NF1: variants seen among roughly 807,000 people sequenced by gnomAD.
NF1 encodes the protein neurofibromin.
In NF1, 122 loss-of-function variants were observed where a neutral mutation model predicts 325.7. The observed-to-expected ratio is 0.37, with a 90% CI of 0.32 to 0.44. The LOEUF (loss-of-function observed/expected upper bound fraction) is 0.44. Ranked by LOEUF, NF1 falls within the 20% of genes least tolerant of loss-of-function variation. The probability of loss-of-function intolerance (pLI) is 1.00; values close to 1 mark genes in which losing one functional copy is unlikely to be tolerated. For missense variants in NF1, 2,140 were observed against 3,415.4 expected (o/e 0.63, Z 9.31); for synonymous variants, 1,091 against 1,186.0 (o/e 0.92, Z 1.65).
intron 8 of NF1, among the ~76,000 whole-genome samples, chr17:31,187,694 C>T (rs566995380): frequency 2.0e-5 from 3 of 152,246 alleles, no homozygotes; most frequent in African/African-American, 4.8e-5. Flanking sequence ...CCAGGATTCC[C>T]GGGTCCAGGA....
At chr17:31,244,368 A>G (rs1747902932) in intron 29 of NF1, among the ~76,000 whole-genome samples, 1 of 151,992 alleles carries the variant, frequency 6.6e-6, no homozygotes, top group Non-Finnish European at 1.5e-5. Flanking sequence ...TGAGCCCAGC[A>G]CAGCACCAGG....
intron 1 of NF1, among the ~76,000 whole-genome samples, chr17:31,143,072 C>T (rs1171693853): frequency 1.3e-5 from 2 of 152,114 alleles, no homozygotes; most frequent in Non-Finnish European, 2.9e-5. Flanking sequence ...TCTTTATTAG[C>T]AGTGTCTTTT....
At chr17:31,121,729 T>C (rs1400301070) in intron 1 of NF1, among the ~76,000 whole-genome samples, 1 of 152,224 alleles carries the variant, frequency 6.6e-6, no homozygotes, top group Non-Finnish European at 1.5e-5. Flanking sequence ...ATTACATTTA[T>C]TGATTTACAT....
chr17:31,158,910 A>G (rs2065714127), intron 2 of NF1, 100 bp from the exon 3 acceptor site: 1 of 721,240 alleles, frequency 1.4e-6, no homozygotes, highest in Admixed American at 2.0e-5. Flanking sequence ...GTAAAATGGA[A>G]GACTATTGTT....
At chr17:31,239,009 A>G (rs1050743316) in intron 29 of NF1, among the ~76,000 whole-genome samples, 1 of 152,186 alleles carries the variant, frequency 6.6e-6, no homozygotes, top group African/African-American at 2.4e-5. Context: ...GACCCAATAC[A>G]TCTTGTCTGG....
intron 51 of NF1, among the ~76,000 whole-genome samples, chr17:31,353,706 T>C (rs2070208560): frequency 6.6e-6 from 1 of 152,200 alleles, no homozygotes; most frequent in East Asian, 1.9e-4. Context: ...GGTAAAATTG[T>C]AATTGTTACT....
At chr17:31,332,577 T>TTAAAAAAGAATA (rs1597837351) in intron 39 of NF1, among the ~76,000 whole-genome samples, 3 of 102,026 alleles carry the variant, frequency 2.9e-5, no homozygotes, top group South Asian at 3.7e-4. Context: ...GATCATGGTT[T>TTAAAAAAGAATA]TTTTTTTTTT....
At position 31,229,057 on chromosome 17, in the gene NF1, G is replaced by T; in HGVS notation, c.2442G>T (p.Lys814Asn). ...AAESLHKTIV[K>N]RRMSHVSGGG... ...AAAGCCTTCACAAGACCATTGTTAA[G>T]AGGCGAATGTCCCATGTGAGTGGAG... Residue 814 changes from lysine to asparagine, a missense_variant, in exon 21 of 58, where the codon AAG becomes AAT. Physicochemically the swap from Lys to Asn is moderately conservative, Grantham distance 94. Coordinates refer to ENST00000358273, the MANE Select transcript of NF1 (RefSeq NM_001042492.3). 6.2e-7 allele frequency: 1 copy of T among 1,610,942 alleles called. No homozygotes were observed.
intron 1 of NF1, among the ~76,000 whole-genome samples, chr17:31,132,417 GTAATC>G (rs1399922809): frequency 2.0e-5 from 3 of 152,058 alleles, no homozygotes; most frequent in Non-Finnish European, 2.9e-5. Flanking sequence ...GCAGACGCCT[GTAATC>G]CCAGCTACTC....
intron 1 of NF1, among the ~76,000 whole-genome samples, chr17:31,124,034 G>GC (rs1377611494): frequency 1.3e-5 from 2 of 151,896 alleles, no homozygotes; most frequent in African/African-American, 4.8e-5. Context: ...AATAGTTGAA[G>GC]CTGTCTTTAA....
intron 1 of NF1, among the ~76,000 whole-genome samples, chr17:31,132,873 G>A (rs1485111121): frequency 6.6e-6 from 1 of 151,952 alleles, no homozygotes; most frequent in African/African-American, 2.4e-5. Flanking sequence ...CACCATTTTG[G>A]CCAGGCTGGT....
intron 31 of NF1, among the ~76,000 whole-genome samples, chr17:31,256,849 T>A (rs1405625608): frequency 1.3e-5 from 2 of 152,178 alleles, no homozygotes; most frequent in Non-Finnish European, 2.9e-5. Context: ...AAAGAAAGCT[T>A]CCTGAACTAT....
At chr17:31,198,632 G>A (rs927691072) in intron 8 of NF1, among the ~76,000 whole-genome samples, 2 of 151,608 alleles carry the variant, frequency 1.3e-5, no homozygotes, top group African/African-American at 4.9e-5. Flanking sequence ...AGGGGGTGGG[G>A]GGGATAGAGT....
chr17:31,129,594 T>C (rs1469850912), intron 1 of NF1, among the ~76,000 whole-genome samples: 1 of 151,944 alleles, frequency 6.6e-6, no homozygotes, highest in Non-Finnish European at 1.5e-5. Context: ...TACACCCATC[T>C]GATTTTTTGT....
rs2151538708 is a variant in NF1 at position 31,326,137 on chromosome 17, A to T, written c.5153A>T (p.His1718Leu). Residue 1718 changes from histidine (H) to leucine (L), a missense_variant, in exon 37 of 58, where the codon CAC becomes CTC. By Grantham distance (99) the His-to-Leu change is moderately conservative. Transcript: ENST00000358273. ...FIDCPGKLAE[H>L]IEHEQQKLPA... is the part of the protein sequence containing the mutation. ...GACTGTCCTGGGAAACTGGCTGAGCACATAGAGCATGAACAACAGAAACTA... is the reference window on the plus strand; with the variant it reads ...GACTGTCCTGGGAAACTGGCTGAGCTCATAGAGCATGAACAACAGAAACTA... The T allele has an allele frequency of 6.2e-7, 1 of 1,613,096 alleles. No individual in the cohort carries two copies.
At chr17:31,358,131 C>T (rs2070316084) in intron 54 of NF1, 3 of 353,078 alleles carry the variant, frequency 8.5e-6, no homozygotes, top group East Asian at 7.0e-5. Flanking sequence ...TGTCAGTATA[C>T]AACAGATGGA....
chr17:31,281,740 G>A (rs1484677584), intron 36 of NF1, among the ~76,000 whole-genome samples: 2 of 151,902 alleles, frequency 1.3e-5, no homozygotes, highest in East Asian at 1.9e-4. Flanking sequence ...AAAATTCATT[G>A]AAATGAAATT....
rs2068681934 is a variant in NF1, at chr17:31,305,206, G to C, written c.4836-20614G>C. 6.2e-7 allele frequency: 1 copy of C among 1,614,174 alleles called. No individual in the cohort carries two copies. ...GACAAATGACTTTGGTGGTTGTGTG[G>C]TAGAAGTACGGGCAGATGGTAGTTG... On this transcript the variant is annotated intron_variant, in intron 36 of 57. Coordinates refer to ENST00000358273, the MANE Select transcript of NF1 (RefSeq NM_001042492.3).
At chr17:31,122,608 C>T (rs751631331) in intron 1 of NF1, among the ~76,000 whole-genome samples, 31 of 152,182 alleles carry the variant, frequency 2.0e-4, no homozygotes, top group Non-Finnish European at 3.7e-4. Context: ...TCTGCTTTGT[C>T]TTCTTTAGTT....
Sources: allele counts gnomAD v4.1 joint callset (sites outside exome capture counted in the v4.1 genomes callset), GRCh38; gene constraint gnomAD v4.1.1; transcripts MANE v1.5; gene names NCBI Gene and HGNC (gene_info 2026-07-23, HGNC 2026-07-21).